The following GRIK2 variants were observed in gnomAD, a reference collection of about 807,000 sequenced individuals.
GRIK2 encodes glutamate receptor ionotropic, kainate 2.
Under a neutral mutation model 100.3 loss-of-function variants are expected in GRIK2, and 32 were observed. That is an observed-to-expected ratio of 0.32 (90% CI 0.24 to 0.43). The LOEUF is 0.43. Ranked by LOEUF, GRIK2 falls within the 20% of genes least tolerant of loss-of-function variation. GRIK2 has a pLI of 1.00. For missense variants in GRIK2, 843 were observed against 1,114.9 expected (o/e 0.76, Z 3.47); for synonymous variants, 417 against 389.4 (o/e 1.07, Z -0.83).
At chr6:101,705,202 T>C (rs1773180984) in intron 7 of GRIK2, among the ~76,000 whole-genome samples, 1 of 151,458 alleles carries the variant, frequency 6.6e-6, no homozygotes, top group African/African-American at 2.4e-5. Context: ...TAACATAACC[T>C]GAACTATTTT....
intron 4 of GRIK2, among the ~76,000 whole-genome samples, chr6:101,631,408 G>C (rs936752757): frequency 3.9e-5 from 6 of 152,050 alleles, no homozygotes; most frequent in Admixed American, 3.3e-4. Flanking sequence ...TCCCAGTTTT[G>C]CTACTAAATT....
At chr6:101,819,787 C>T (rs930895054) in intron 10 of GRIK2, among the ~76,000 whole-genome samples, 1 of 152,106 alleles carries the variant, frequency 6.6e-6, no homozygotes, top group Non-Finnish European at 1.5e-5. Context: ...CTTTGCAGTG[C>T]ACCCAAGTCC....
rs560007231 is a variant in GRIK2, at chr6:101,486,998, C to T, written c.115+87606C>T. On this transcript the variant is annotated intron_variant, in intron 2 of 16. Coordinates refer to ENST00000369134, the MANE Select transcript of GRIK2 (RefSeq NM_021956.5). ...TATTTGTCTTTAACTCATGCCTTTA[C>T]CCCTTTTCAGGCAGTTTCATACATT... Among the ~76,000 whole-genome samples, 2 of 146,474 alleles carry T rather than the reference C, an allele frequency of 1.4e-5. 1 individual carries two copies. Among genetic ancestry groups the T allele is most frequent in the South Asian group, 4.3e-4 (2 of 4,622 alleles).
chr6:101,688,187 A>G (rs1771846568), intron 7 of GRIK2, among the ~76,000 whole-genome samples: 1 of 150,316 alleles, frequency 6.7e-6, no homozygotes, highest in East Asian at 1.9e-4. Context: ...ATGTCTTATT[A>G]TTTATTTTCA....
intron 2 of GRIK2, among the ~76,000 whole-genome samples, chr6:101,506,264 T>C (rs1416143392): frequency 1.3e-5 from 2 of 152,112 alleles, no homozygotes; most frequent in Admixed American, 6.6e-5. Flanking sequence ...AGTGGGACTT[T>C]TTTTCTTCCA....
At chr6:101,792,108 C>G (rs1412420407) in intron 7 of GRIK2, among the ~76,000 whole-genome samples, 1 of 151,484 alleles carries the variant, frequency 6.6e-6, no homozygotes, top group South Asian at 2.1e-4. Context: ...TGTCTCTGCA[C>G]GTGAGATGGG....
At chr6:101,880,578 T>C (rs1274250611) in intron 11 of GRIK2, among the ~76,000 whole-genome samples, 1 of 152,060 alleles carries the variant, frequency 6.6e-6, no homozygotes, top group Non-Finnish European at 1.5e-5. Context: ...AAATTTACTG[T>C]ATTTTACTAT....
intron 14 of GRIK2, among the ~76,000 whole-genome samples, chr6:101,935,780 A>G (rs1262300587): frequency 6.6e-6 from 1 of 152,048 alleles, no homozygotes; most frequent in African/African-American, 2.4e-5. Context: ...AACTGGCAAA[A>G]GTAAATTAGT....
chr6:101,722,866 G>A (rs1774580312), intron 7 of GRIK2, among the ~76,000 whole-genome samples: 1 of 152,054 alleles, frequency 6.6e-6, no homozygotes, highest in South Asian at 2.1e-4. Context: ...AAAAGCAAAG[G>A]ATTTAAGATG....
intron 7 of GRIK2, among the ~76,000 whole-genome samples, chr6:101,761,214 C>A (rs2082488985): frequency 6.6e-6 from 1 of 152,112 alleles, no homozygotes; most frequent in Non-Finnish European, 1.5e-5. Flanking sequence ...TCTTTGAATT[C>A]CATGGCTACA....
intron 2 of GRIK2, among the ~76,000 whole-genome samples, chr6:101,453,310 T>C (rs944712672): frequency 6.6e-6 from 1 of 151,916 alleles, no homozygotes. Context: ...AAAAAATTAA[T>C]TGACTTTATT....
At chr6:101,889,489 T>A (rs1173355091) in intron 11 of GRIK2, 151 bp from the exon 12 acceptor site, 1 of 551,002 alleles carries the variant, frequency 1.8e-6, no homozygotes, top group African/African-American at 1.9e-5. Context: ...AGGAATGCTT[T>A]AAATTTTAAC....
chr6:101,982,587 T>A (rs184398039), intron 14 of GRIK2, among the ~76,000 whole-genome samples: 1 of 151,144 alleles, frequency 6.6e-6, no homozygotes, highest in African/African-American at 2.4e-5. Context: ...AAGAGAAAAA[T>A]TGAATTTAAA....
intron 11 of GRIK2, among the ~76,000 whole-genome samples, chr6:101,868,350 T>G (rs887827895): frequency 6.6e-6 from 1 of 151,680 alleles, no homozygotes; most frequent in Non-Finnish European, 1.5e-5. Context: ...GGGAATTCTG[T>G]GAGGAAGCAT....
At chr6:101,612,049 G>A (rs1779700756) in intron 2 of GRIK2, among the ~76,000 whole-genome samples, 1 of 151,824 alleles carries the variant, frequency 6.6e-6, no homozygotes. Flanking sequence ...ATATTACCCA[G>A]CAAGAAGCAA....
chr6:101,571,140 TAAAC>T (rs1001029386), intron 2 of GRIK2, among the ~76,000 whole-genome samples: 14 of 152,210 alleles, frequency 9.2e-5, no homozygotes, highest in African/African-American at 3.1e-4. Context: ...TATTTAAAAA[TAAAC>T]AGTTTGCAAA....
At chr6:101,940,496 A>G (rs969713187) in intron 14 of GRIK2, among the ~76,000 whole-genome samples, 1 of 152,150 alleles carries the variant, frequency 6.6e-6, no homozygotes, top group Non-Finnish European at 1.5e-5. Context: ...CTGCATTGTT[A>G]GTAACCATGT....
chr6:102,051,256 CCTT>C (rs879369323), intron 15 of GRIK2, among the ~76,000 whole-genome samples: 2,531 of 56,526 alleles, frequency 0.045, 34 homozygotes, highest in Middle Eastern at 0.063. Context: ...TCCCTCCCTT[CCTT>C]CCTTCCTTCC....
At chr6:101,950,382 C>G (rs980442657) in intron 14 of GRIK2, among the ~76,000 whole-genome samples, 2 of 152,164 alleles carry the variant, frequency 1.3e-5, no homozygotes, top group Non-Finnish European at 2.9e-5. Flanking sequence ...AAACCTCTCT[C>G]TCTACTAAAA....
Sources: allele counts gnomAD v4.1 joint callset (sites outside exome capture counted in the v4.1 genomes callset), GRCh38; gene constraint gnomAD v4.1.1; transcripts MANE v1.5; gene names NCBI Gene and HGNC (gene_info 2026-07-23, HGNC 2026-07-21).